The following GRIK2 variants were observed in gnomAD, a reference collection of about 807,000 sequenced individuals.
The protein encoded by GRIK2 is glutamate ionotropic receptor kainate type subunit 2.
Under a neutral mutation model 100.3 loss-of-function variants are expected in GRIK2, and 32 were observed. The observed-to-expected ratio is 0.32, with a 90% CI of 0.24 to 0.43. The LOEUF (loss-of-function observed/expected upper bound fraction) is 0.43, where lower values mean the gene tolerates loss of function less well. GRIK2 is among the 20% of genes least tolerant of loss of function. The probability of loss-of-function intolerance (pLI) is 1.00; values close to 1 mark genes in which losing one functional copy is unlikely to be tolerated. For missense variants in GRIK2, 843 were observed against 1,114.9 expected, an observed-to-expected ratio of 0.76 and a Z score of 3.47; for synonymous variants, 417 against 389.4, an observed-to-expected ratio of 1.07 and a Z score of -0.83.
intron 7 of GRIK2, among the ~76,000 whole-genome samples, chr6:101,710,100 A>G (rs1773595107): frequency 6.6e-6 from 1 of 151,906 alleles, no homozygotes; most frequent in Non-Finnish European, 1.5e-5. Context: ...ACTTGGTCTT[A>G]GGTTGATTTG....
In GRIK2 at chr6:101,608,310, T is replaced by C. The variant is rs1177253586; in HGVS notation, c.116-13639T>C. 2.6e-5 allele frequency among the ~76,000 whole-genome samples: 4 copies of C among 151,910 alleles called. No individual in the cohort carries two copies. The South Asian group carries it at 6.2e-4, about 24-fold the overall frequency. ...TAAATTTAACCATGCATTTTAACGATTGCACAGTATTCCTCTGGTGGTTTA... is the reference window on the plus strand; with the variant it reads ...TAAATTTAACCATGCATTTTAACGACTGCACAGTATTCCTCTGGTGGTTTA... On this transcript the variant is annotated intron_variant, in intron 2 of 16. Transcript: ENST00000369134.
At chr6:101,757,223 T>A (rs902577761) in intron 7 of GRIK2, among the ~76,000 whole-genome samples, 1 of 152,152 alleles carries the variant, frequency 6.6e-6, no homozygotes, top group African/African-American at 2.4e-5. Flanking sequence ...GAAAAATATT[T>A]TTAAACATGA....
Position 101,875,635 on chromosome 6 carries a change from T to C in GRIK2, c.1525-14005T>C, listed in dbSNP as rs529714967. On this transcript the variant is annotated intron_variant, in intron 11 of 16. Transcript: ENST00000369134. ...CTTCTTGTTTTTCTCTTTACTTCTT[T>C]TACATTGAATGAGTTTTCTTTTGAC... Among the ~76,000 whole-genome samples, 390 of 152,038 alleles carry C rather than the reference T, an allele frequency of 2.6e-3. 1 individual carries two copies. The highest frequency in any genetic ancestry group is 4.1e-3 in the Non-Finnish European group (278 of 67,908).
intron 11 of GRIK2, among the ~76,000 whole-genome samples, chr6:101,872,984 G>T (rs959576212): frequency 6.6e-6 from 1 of 151,860 alleles, no homozygotes; most frequent in Non-Finnish European, 1.5e-5. Context: ...CCATAGTGAA[G>T]ATTTCTTGAT....
At chr6:101,581,027 G>C (rs1778059122) in intron 2 of GRIK2, among the ~76,000 whole-genome samples, 2 of 151,806 alleles carry the variant, frequency 1.3e-5, no homozygotes, top group African/African-American at 4.8e-5. Flanking sequence ...TCCCCTGATA[G>C]AATGTAAGTT....
At chr6:101,694,439 T>C (rs1471594030) in intron 7 of GRIK2, among the ~76,000 whole-genome samples, 2 of 152,068 alleles carry the variant, frequency 1.3e-5, no homozygotes, top group East Asian at 3.9e-4. Context: ...CGCTAATTAA[T>C]TAAAAGATAA....
At chr6:101,826,279 C>G (rs1393282389) in intron 10 of GRIK2, among the ~76,000 whole-genome samples, 2 of 151,854 alleles carry the variant, frequency 1.3e-5, no homozygotes, top group African/African-American at 4.8e-5. Flanking sequence ...AGGCACTGTA[C>G]TTATAGGAAA....
At chr6:101,425,028 C>T (rs1253323827) in intron 2 of GRIK2, among the ~76,000 whole-genome samples, 3 of 151,878 alleles carry the variant, frequency 2.0e-5, no homozygotes, top group East Asian at 1.9e-4. Context: ...AATAAACATA[C>T]ATGTGCAGTG....
At chr6:102,015,153 T>G (rs2114335231) in intron 14 of GRIK2, among the ~76,000 whole-genome samples, 1 of 152,334 alleles carries the variant, frequency 6.6e-6, no homozygotes, top group Non-Finnish European at 1.5e-5. Flanking sequence ...TTTATTATAG[T>G]TAGTTCTTCT....
intron 14 of GRIK2, among the ~76,000 whole-genome samples, chr6:101,966,052 T>C (rs1792652497): frequency 6.6e-6 from 1 of 152,128 alleles, no homozygotes. Flanking sequence ...GTGTATAACT[T>C]TATGTGCCAA....
chr6:101,560,829 C>G (rs1204245145), intron 2 of GRIK2, among the ~76,000 whole-genome samples: 2 of 152,114 alleles, frequency 1.3e-5, no homozygotes, highest in Admixed American at 6.5e-5. Context: ...GCTAACAGTT[C>G]CAAACTTGCC....
intron 14 of GRIK2, among the ~76,000 whole-genome samples, chr6:101,955,576 T>TTTCTCTCTCTCTCTCTCTCTCTCTCTCTC: frequency 8.6e-6 from 1 of 116,346 alleles, no homozygotes; most frequent in African/African-American, 3.8e-5. Flanking sequence ...GAGCAAGGCC[T>TTTCTCTCTCTCTCTCTCTCTCTCTCTCTC]TCTCTCTCTC....
At chr6:101,423,533 A>G (rs1776527669) in intron 2 of GRIK2, among the ~76,000 whole-genome samples, 1 of 152,110 alleles carries the variant, frequency 6.6e-6, no homozygotes, top group African/African-American at 2.4e-5. Flanking sequence ...CTGATTTGCA[A>G]TTTCCTGATG....
chr6:101,676,607 T>C lies in GRIK2; in HGVS notation c.542-16T>C. 1 of 1,442,902 alleles carries C rather than the reference T, an allele frequency of 6.9e-7. No individual in the cohort carries two copies. 89.4% of individuals were successfully genotyped at this position (1,442,902 alleles called of 1,614,324 possible). A position where few individuals can be genotyped will look rare whatever the true frequency, so the allele number is the denominator to read the frequency against. On this transcript the variant is annotated splice_polypyrimidine_tract_variant and intron_variant, in intron 4 of 16. Transcript: ENST00000369134. The stretch of plus-strand genomic sequence containing the variant: ...TATCTCTAATATTCTTTTTTTTTTT[T>C]CCATTTTAATTAAAGGTCTCATTCG...
At chr6:101,893,613 G>A (rs1411850294) in intron 12 of GRIK2, among the ~76,000 whole-genome samples, 1 of 151,536 alleles carries the variant, frequency 6.6e-6, no homozygotes, top group Admixed American at 6.6e-5. Flanking sequence ...CCTTTGATTG[G>A]TTTTGTTTCC....
intron 9 of GRIK2, among the ~76,000 whole-genome samples, chr6:101,812,280 G>C (rs1280942800): frequency 1.3e-5 from 2 of 151,558 alleles, no homozygotes; most frequent in African/African-American, 4.8e-5. Context: ...TTTTATCATG[G>C]AGTAATTCAC....
intron 2 of GRIK2, among the ~76,000 whole-genome samples, chr6:101,427,554 C>A (rs906189606): frequency 6.6e-6 from 1 of 152,174 alleles, no homozygotes; most frequent in East Asian, 1.9e-4. Flanking sequence ...GCTGAATGAA[C>A]AACTAAGCTG....
At chr6:101,722,985 A>G (rs191677184) in intron 7 of GRIK2, among the ~76,000 whole-genome samples, 33 of 152,152 alleles carry the variant, frequency 2.2e-4, no homozygotes, top group Admixed American at 2.1e-3. Context: ...TAAAAACATC[A>G]TATTTAGAAA....
chr6:101,452,981 T>G (rs1036208718), intron 2 of GRIK2, among the ~76,000 whole-genome samples: 2 of 151,866 alleles, frequency 1.3e-5, no homozygotes, highest in Non-Finnish European at 2.9e-5. Context: ...TCAGTTACTA[T>G]AAAAATGCAG....
Sources: allele counts gnomAD v4.1 joint callset (sites outside exome capture counted in the v4.1 genomes callset), GRCh38; gene constraint gnomAD v4.1.1; transcripts MANE v1.5; gene names NCBI Gene and HGNC (gene_info 2026-07-23, HGNC 2026-07-21).